The following TSPAN11 variants were observed in gnomAD, a reference collection of about 807,000 sequenced individuals.
The protein encoded by TSPAN11 is tetraspanin 11.
Under a neutral mutation model 32.9 loss-of-function variants are expected in TSPAN11, and 29 were observed. That is an observed-to-expected ratio of 0.88 (90% CI 0.66 to 1.20). The LOEUF is 1.20. Among genes scored for constraint, TSPAN11 ranks in the 50% most tolerant of loss-of-function variants. TSPAN11 has a pLI of 0.00. For synonymous variants in TSPAN11, 140 were observed against 141.3 expected (o/e 0.99, Z 0.07); for missense variants, 283 against 329.1 (o/e 0.86, Z 1.08).
intron 5 of TSPAN11, among the ~76,000 whole-genome samples, chr12:30,982,243 C>T (rs1209928081): frequency 7.2e-5 from 11 of 152,188 alleles, no homozygotes; most frequent in Non-Finnish European, 7.3e-5. Context: ...CTCGCAGACC[C>T]GTCCTGCCCC....
chr12:30,957,733 TTCCCTCCC>T, intron 2 of TSPAN11, among the ~76,000 whole-genome samples: 1 of 15,466 alleles, frequency 6.5e-5, no homozygotes, highest in Non-Finnish European at 1.1e-4. Flanking sequence ...CCTTCCCTCC[TTCCCTCCC>T]TCCCTCCCTC....
intron 1 of TSPAN11, among the ~76,000 whole-genome samples, chr12:30,930,788 G>A (rs1311052450): frequency 6.6e-6 from 1 of 152,198 alleles, no homozygotes; most frequent in African/African-American, 2.4e-5. Context: ...GGTCTGTGGC[G>A]TCGGGCTGGG....
chr12:30,937,378 T>C (rs1239305394), intron 1 of TSPAN11, among the ~76,000 whole-genome samples: 1 of 151,960 alleles, frequency 6.6e-6, no homozygotes, highest in Non-Finnish European at 1.5e-5. Flanking sequence ...ACTATACTAG[T>C]CTTACACAGG....
the TSPAN11 span, among the ~76,000 whole-genome samples, chr12:31,004,924 G>T: frequency 6.6e-6 from 1 of 152,232 alleles, no homozygotes; most frequent in Non-Finnish European, 1.5e-5. Context: ...ACCCTGTGAT[G>T]AGTTGCCTCT....
chr12:30,928,439 C>G (rs1392986789), intron 1 of TSPAN11, among the ~76,000 whole-genome samples: 5 of 152,184 alleles, frequency 3.3e-5, no homozygotes, highest in Admixed American at 6.5e-5. Flanking sequence ...GCCTTCAGAC[C>G]CAGGGCCAAC....
At position 30,975,500 on chromosome 12, in the gene TSPAN11, C is replaced by T. The variant is rs367644165; in HGVS notation, c.277-3061C>T. 3.0e-4 allele frequency among the ~76,000 whole-genome samples: 46 copies of T among 152,268 alleles called. No homozygotes were observed. The highest frequency in any genetic ancestry group is 6.8e-3 in the Middle Eastern group (2 of 294). On this transcript the variant is annotated intron_variant, in intron 3 of 7. Transcript: ENST00000546076. This position sits in a 1 kb window ranked among gnomAD's most constrained non-coding sequence, Gnocchi z 4.5. Reference sequence around the variant, plus strand: ...CTATCCCCACACACCACCGCCACTGCCAAGCTCTCTCCCCTCCTCCTGACC... The same window carrying T: ...CTATCCCCACACACCACCGCCACTGTCAAGCTCTCTCCCCTCCTCCTGACC...
chr12:30,988,864 C>T (rs1939256641), intron 7 of TSPAN11, among the ~76,000 whole-genome samples: 1 of 152,254 alleles, frequency 6.6e-6, no homozygotes, highest in Admixed American at 6.5e-5. Flanking sequence ...GCTTCCTCTG[C>T]ACCAGCTTCC....
chr12:30,940,739 G>T (rs539484409), intron 1 of TSPAN11, among the ~76,000 whole-genome samples: 1 of 152,302 alleles, frequency 6.6e-6, no homozygotes, highest in African/African-American at 2.4e-5. Context: ...GATTAAAAGA[G>T]ATAATGCTTA....
the TSPAN11 span, among the ~76,000 whole-genome samples, chr12:31,001,848 GCC>G: frequency 6.6e-6 from 1 of 152,138 alleles, no homozygotes; most frequent in African/African-American, 2.4e-5. Context: ...CTCATATACA[GCC>G]AGGGCAGCCT....
intron 1 of TSPAN11, among the ~76,000 whole-genome samples, chr12:30,948,364 C>T (rs1938312101): frequency 6.6e-6 from 1 of 152,228 alleles, no homozygotes; most frequent in African/African-American, 2.4e-5. Context: ...TCCACACTGC[C>T]CTAGCAGAGG....
rs75632799 is a variant in TSPAN11 at position 30,967,001 on chromosome 12, G to A, written c.276+2984G>A. ...AGACACTGGGTGGGTGAGTGTGTGG[G>A]TCACCCAGGCATTAGTGGGAGACAC... On this transcript the variant is annotated intron_variant, in intron 3 of 7. Coordinates refer to ENST00000546076, the MANE Select transcript of TSPAN11 (RefSeq NM_001370302.1). Among the ~76,000 whole-genome samples, 468 of 152,296 alleles carry A rather than the reference G, an allele frequency of 3.1e-3. 18 individuals carry two copies. In the East Asian group the frequency reaches 0.077, roughly 25 times the overall value.
At chr12:30,953,948 T>C (rs965916122) in intron 1 of TSPAN11, 33 bp from the exon 2 acceptor site, 1 of 1,541,820 alleles carries the variant, frequency 6.5e-7, no homozygotes, top group Non-Finnish European at 8.9e-7. Context: ...TTCTCGGTGA[T>C]TCCCCGGCCC....
At chr12:30,944,428 T>C (rs1310415863) in intron 1 of TSPAN11, among the ~76,000 whole-genome samples, 1 of 152,202 alleles carries the variant, frequency 6.6e-6, no homozygotes, top group Non-Finnish European at 1.5e-5. Flanking sequence ...TCTATTTCTA[T>C]GGGATCAACA....
intron 1 of TSPAN11, among the ~76,000 whole-genome samples, chr12:30,949,806 T>C (rs1049686147): frequency 2.6e-5 from 4 of 152,144 alleles, no homozygotes; most frequent in African/African-American, 9.7e-5. Context: ...CCTCCACAGA[T>C]GAAAGTGAGC....
chr12:30,982,977 A>G (rs1287862818), intron 6 of TSPAN11, 87 bp from the exon 7 acceptor site: 4 of 1,408,410 alleles, frequency 2.8e-6, no homozygotes, highest in Non-Finnish European at 3.9e-6. Context: ...GCCAGTCCTC[A>G]GCCTCTGCTG....
chr12:30,954,184 T>C, intron 2 of TSPAN11, 109 bp downstream of exon 2: 1 of 779,446 alleles, frequency 1.3e-6, no homozygotes, highest in Non-Finnish European at 2.2e-6. Flanking sequence ...AAATCAAAGA[T>C]CAACGATCAA....
intron 5 of TSPAN11, 38 bp downstream of exon 5, chr12:30,979,708 A>G: frequency 6.3e-7 from 1 of 1,599,004 alleles, no homozygotes; most frequent in Non-Finnish European, 8.6e-7. Context: ...GGCCAAGCCC[A>G]CAAGGATTCA....
intron 1 of TSPAN11, 95 bp from the exon 2 acceptor site, chr12:30,953,886 C>A: frequency 1.2e-6 from 1 of 830,474 alleles, no homozygotes; most frequent in Non-Finnish European, 1.9e-6. Flanking sequence ...GTTAATGAGC[C>A]CTTTGAAGGG....
chr12:30,974,865 G>A (rs866750382), intron 3 of TSPAN11, among the ~76,000 whole-genome samples: 86 of 152,398 alleles, frequency 5.6e-4, no homozygotes, highest in Admixed American at 1.8e-3. Context: ...GCTGAGGAGA[G>A]AAGGGCAAAG....
Sources: allele counts gnomAD v4.1 joint callset (sites outside exome capture counted in the v4.1 genomes callset), GRCh38; gene constraint gnomAD v4.1.1; non-coding constraint Gnocchi (gnomAD v3.1); transcripts MANE v1.5; gene names NCBI Gene and HGNC (gene_info 2026-07-23, HGNC 2026-07-21).